The following NPSR1 variants were observed in gnomAD, a reference collection of about 807,000 sequenced individuals.
The protein encoded by NPSR1 is neuropeptide S receptor 1.
In NPSR1, 48 loss-of-function variants were observed where a neutral mutation model predicts 46.9. The ratio of observed to expected loss-of-function variants is 1.02; its 90% CI spans 0.81 to 1.30. The LOEUF is 1.30. Among genes scored for constraint, NPSR1 ranks in the 50% most tolerant of loss-of-function variants. The probability of loss-of-function intolerance (pLI) is 0.00; values close to 1 mark genes in which losing one functional copy is unlikely to be tolerated. For missense variants in NPSR1, 450 were observed against 449.5 expected (o/e 1.00, Z -0.01); for synonymous variants, 176 against 168.1 (o/e 1.05, Z -0.36).
At chr7:34,748,071 C>A (rs112448316) in intron 2 of NPSR1, among the ~76,000 whole-genome samples, 5,066 of 152,232 alleles carry the variant, frequency 0.033, 125 homozygotes, top group Middle Eastern at 0.058. Flanking sequence ...AGCAAAAGGG[C>A]CTCTAATTCA....
At chr7:34,714,694 T>C (rs1783480102) in intron 2 of NPSR1, among the ~76,000 whole-genome samples, 1 of 152,156 alleles carries the variant, frequency 6.6e-6, no homozygotes, top group African/African-American at 2.4e-5. Context: ...GTCTACAGGT[T>C]ACTCATCCTA....
At chr7:34,867,110 G>A (rs1487692739) in intron 8 of NPSR1, among the ~76,000 whole-genome samples, 3 of 151,662 alleles carry the variant, frequency 2.0e-5, no homozygotes, top group African/African-American at 7.3e-5. Flanking sequence ...AACATGGGCT[G>A]CGGTAACATA....
intron 2 of NPSR1, among the ~76,000 whole-genome samples, chr7:34,714,258 T>C (rs540675901): frequency 3.2e-4 from 49 of 152,320 alleles, no homozygotes; most frequent in Non-Finnish European, 5.4e-4. Flanking sequence ...TCTGAAATTA[T>C]GAAATGTCCA....
In NPSR1 at chr7:34,792,657, ATATATATT is replaced by A. The variant is rs1279915912; in HGVS notation, c.384+14100_384+14107del. 9.8e-5 allele frequency among the ~76,000 whole-genome samples: 11 copies of A among 112,182 alleles called. No homozygotes were observed. In the South Asian group the frequency reaches 2.3e-3, roughly 23 times the overall value. 73.6% of individuals were successfully genotyped at this position (112,182 alleles called of 152,430 possible). ...TGTGTATGTGTATATATATATGTAT[ATATATATT>A]TATATATATGTATATATATATATGT... On this transcript the variant is annotated intron_variant, in intron 3 of 8. Transcript: ENST00000360581.
intron 3 of NPSR1, among the ~76,000 whole-genome samples, chr7:34,793,658 T>C (rs1352137246): frequency 6.6e-6 from 1 of 152,120 alleles, no homozygotes; most frequent in East Asian, 1.9e-4. Flanking sequence ...AAAAACAGTA[T>C]GGAAGTTCCT....
chr7:34,872,790 A>G lies in NPSR1; in HGVS notation c.1026-5286A>G, dbSNP rs1006557266. On this transcript the variant is annotated intron_variant, in intron 8 of 8. Coordinates refer to the NPSR1 transcript ENST00000359791. ...AGGAAATACTTCCCCCCATGATTCA[A>G]TTATCTCACACTAGGTCTCTCCCAC... 3.3e-5 allele frequency among the ~76,000 whole-genome samples: 5 copies of G among 151,766 alleles called. 1 individual carries two copies. The highest frequency in any genetic ancestry group is 9.7e-5 in the African/African-American group (4 of 41,042).
chr7:34,831,360 C>T (rs1790110901), intron 5 of NPSR1, among the ~76,000 whole-genome samples: 2 of 151,502 alleles, frequency 1.3e-5, no homozygotes, highest in Admixed American at 1.3e-4. Flanking sequence ...TGTACACATA[C>T]TGCTAATATA....
At chr7:34,767,611 A>C (rs545935962) in intron 2 of NPSR1, among the ~76,000 whole-genome samples, 4 of 152,182 alleles carry the variant, frequency 2.6e-5, no homozygotes, top group Non-Finnish European at 5.9e-5. Flanking sequence ...AGGAGAACAA[A>C]GTATTTAAAA....
intron 1 of NPSR1, among the ~76,000 whole-genome samples, chr7:34,683,344 G>A (rs1173410695): frequency 2.0e-5 from 3 of 151,788 alleles, no homozygotes; most frequent in Admixed American, 2.0e-4. Context: ...CTACTTGGGA[G>A]GCTGAGGCAG....
chr7:34,876,643 G>A (rs1274086964), intron 8 of NPSR1, among the ~76,000 whole-genome samples: 1 of 152,154 alleles, frequency 6.6e-6, no homozygotes, highest in Non-Finnish European at 1.5e-5. Flanking sequence ...TTGTATTTAA[G>A]TGGGGACTTC....
At chr7:34,846,877 G>C (rs924275473) in intron 7 of NPSR1, among the ~76,000 whole-genome samples, 1 of 152,164 alleles carries the variant, frequency 6.6e-6, no homozygotes, top group Admixed American at 6.5e-5. Context: ...TACATGAATG[G>C]ACATTCAAAG....
At chr7:34,761,363 C>T (rs1786164966) in intron 2 of NPSR1, among the ~76,000 whole-genome samples, 1 of 152,282 alleles carries the variant, frequency 6.6e-6, no homozygotes, top group African/African-American at 2.4e-5. Flanking sequence ...CCAAGAATAG[C>T]ATGATCCCAG....
intron 3 of NPSR1, among the ~76,000 whole-genome samples, chr7:34,807,022 T>C (rs1454009439): frequency 6.6e-6 from 1 of 152,202 alleles, no homozygotes; most frequent in Non-Finnish European, 1.5e-5. Context: ...AGCTGCCATC[T>C]GTTCTCCAAA....
At chr7:34,740,539 T>C (rs141505160) in intron 2 of NPSR1, among the ~76,000 whole-genome samples, 1 of 152,140 alleles carries the variant, frequency 6.6e-6, no homozygotes. Context: ...AAGGCAGAAA[T>C]GGCTTGTTAG....
chr7:34,780,141 C>T (rs62462891), intron 3 of NPSR1, among the ~76,000 whole-genome samples: 18,787 of 152,170 alleles, frequency 0.12, 1,453 homozygotes, highest in Non-Finnish European at 0.17. Context: ...ATGAACTAGT[C>T]TCAAAGGTCA....
At chr7:34,665,250 G>A (rs546318421) in intron 1 of NPSR1, among the ~76,000 whole-genome samples, 2 of 152,286 alleles carry the variant, frequency 1.3e-5, no homozygotes, top group South Asian at 4.1e-4. Context: ...TCATATCACA[G>A]TAGCAAACAG....
chr7:34,676,889 G>C lies in NPSR1; in HGVS notation c.148-7663G>C, dbSNP rs6975546. Reference sequence around the variant, plus strand: ...ACAGAAAACTCCAAAAGATGTGGAGGTGGGGAGGGTTTGATTTATAGGATT... The same window carrying C: ...ACAGAAAACTCCAAAAGATGTGGAGCTGGGGAGGGTTTGATTTATAGGATT... On this transcript the variant is annotated intron_variant, in intron 1 of 8. Coordinates refer to ENST00000360581, the MANE Select transcript of NPSR1 (RefSeq NM_207172.2). Among the ~76,000 whole-genome samples the C allele has an allele frequency of 3.6e-3, 551 of 152,270 alleles. 1 individual carries two copies. The highest frequency in any genetic ancestry group is 0.013 in the African/African-American group (535 of 41,560).
chr7:34,658,661 T>G (rs953338260), intron 1 of NPSR1, 102 bp downstream of exon 1: 3 of 1,165,684 alleles, frequency 2.6e-6, no homozygotes, highest in Admixed American at 4.3e-5. Context: ...TGTGAATGAG[T>G]GTTATTTTCT....
intron 3 of NPSR1, among the ~76,000 whole-genome samples, chr7:34,811,418 G>C (rs1235848834): frequency 6.6e-6 from 1 of 152,018 alleles, no homozygotes; most frequent in Non-Finnish European, 1.5e-5. Flanking sequence ...CCATTCGTCT[G>C]CTCATCTCCT....
Sources: allele counts gnomAD v4.1 joint callset (sites outside exome capture counted in the v4.1 genomes callset), GRCh38; gene constraint gnomAD v4.1.1; transcripts MANE v1.5; gene names NCBI Gene and HGNC (gene_info 2026-07-23, HGNC 2026-07-21).